The following TXNDC15 variants were observed in gnomAD, a reference collection of about 807,000 sequenced individuals.
TXNDC15 encodes thioredoxin domain containing 15.
Under a neutral mutation model 35.0 loss-of-function variants are expected in TXNDC15, and 24 were observed. The observed-to-expected ratio is 0.68, with a 90% CI of 0.50 to 0.96. The LOEUF (loss-of-function observed/expected upper bound fraction) is 0.96. TXNDC15 is among the 40% of genes least tolerant of loss of function. The pLI, the probability that TXNDC15 is intolerant of heterozygous loss-of-function variation, is 0.00. For synonymous variants in TXNDC15, 169 were observed against 174.0 expected, an observed-to-expected ratio of 0.97 and a Z score of 0.23; for missense variants, 385 against 453.3, an observed-to-expected ratio of 0.85 and a Z score of 1.37.
At chr5:134,881,933 C>T (rs1412397925) in intron 1 of TXNDC15, among the ~76,000 whole-genome samples, 2 of 150,264 alleles carry the variant, frequency 1.3e-5, no homozygotes, top group Non-Finnish European at 3.0e-5. Flanking sequence ...GGCGGCTGGC[C>T]AGGTGGGGGG....
rs533837612 is a variant in TXNDC15, at chr5:134,884,771, G to A, written c.104-2924G>A. On this transcript the variant is annotated intron_variant, in intron 1 of 4. Coordinates refer to ENST00000358387, the MANE Select transcript of TXNDC15 (RefSeq NM_024715.4). ...TCCTTGTCTGCTAATTGTGACATGG[G>A]TGCAAGTTCTGGGTCAGTGTGGCTT... Among the ~76,000 whole-genome samples, 10 of 152,214 alleles carry A rather than the reference G, an allele frequency of 6.6e-5. No individual in the cohort carries two copies. In the South Asian group the frequency reaches 2.1e-3, roughly 32 times the overall value.
At chr5:134,883,243 GAT>G (rs1419126468) in intron 1 of TXNDC15, among the ~76,000 whole-genome samples, 139 of 152,124 alleles carry the variant, frequency 9.1e-4, no homozygotes, top group Non-Finnish European at 1.6e-3. Context: ...TGGCCAACAT[GAT>G]GAAACCCCGT....
chr5:134,884,467 C>T (rs531621404), intron 1 of TXNDC15, among the ~76,000 whole-genome samples: 25 of 151,956 alleles, frequency 1.6e-4, no homozygotes, highest in African/African-American at 5.8e-4. Flanking sequence ...AGGCTGGTCT[C>T]GAACTCCCGA....
In TXNDC15 at chr5:134,888,019, G is replaced by A. The variant is rs747557179; in HGVS notation, c.428G>A (p.Arg143Lys). 4.3e-6 allele frequency: 7 copies of A among 1,614,114 alleles called. No individual in the cohort carries two copies. Among genetic ancestry groups the A allele is most frequent in the Non-Finnish European group, 5.9e-6 (7 of 1,180,050 alleles). ...GGCGCTGGAGCACACTTCCCTGACA[G>A]AGAAGAGGAGTATTACACAGAGCCA... ...LDGAGAHFPD[R>K]EEEYYTEPEV... The change falls in exon 2 of 5, where the codon AGA (arginine) becomes AAA (lysine). Residue 143 changes from arginine to lysine, a missense_variant. Arg to Lys is a conservative substitution (Grantham distance 26). Transcript: ENST00000358387.
intron 4 of TXNDC15, 139 bp downstream of exon 4, chr5:134,896,563 C>G: frequency 1.0e-6 from 1 of 1,001,418 alleles, no homozygotes; most frequent in Non-Finnish European, 1.5e-6. Flanking sequence ...TTCTAATGAA[C>G]TGTTATGATC....
intron 2 of TXNDC15, chr5:134,892,738 C>T (rs1388693394): frequency 6.6e-6 from 1 of 152,128 alleles, no homozygotes; most frequent in Non-Finnish European, 1.5e-5. Context: ...TACAACTCTT[C>T]CTTTCACTTA....
Position 134,900,791 on chromosome 5 carries a change from C to CT in TXNDC15, c.*1121dup, listed in dbSNP as rs749306675. Reference sequence around the variant, plus strand: ...AGAGACAACATGTAATTTAAACAAACTTTTTTTTTTTTTTTAGACAAAGTC... The same window carrying CT: ...AGAGACAACATGTAATTTAAACAAACTTTTTTTTTTTTTTTTAGACAAAGTC... On this transcript the variant is annotated 3_prime_UTR_variant, in exon 5 of 5. Coordinates refer to ENST00000358387, the MANE Select transcript of TXNDC15 (RefSeq NM_024715.4). The CT allele has an allele frequency of 1.9e-3, 267 of 143,406 alleles. No individual in the cohort carries two copies. The highest frequency in any genetic ancestry group is 0.018 in the Middle Eastern group (5 of 280). 8.9% of individuals were successfully genotyped at this position (143,406 alleles called of 1,614,324 possible).
At chr5:134,899,284 T>C (rs1385807010) in intron 4 of TXNDC15, among the ~76,000 whole-genome samples, 1 of 152,202 alleles carries the variant, frequency 6.6e-6, no homozygotes, top group African/African-American at 2.4e-5. Flanking sequence ...AATGGGTTCC[T>C]GATCCTTTGA....
intron 1 of TXNDC15, among the ~76,000 whole-genome samples, chr5:134,876,679 C>G (rs1049507364): frequency 6.6e-6 from 1 of 150,664 alleles, no homozygotes; most frequent in Admixed American, 6.6e-5. Flanking sequence ...GGGGTGAAGA[C>G]AGAAGAAACT....
rs1293551808 is a variant in TXNDC15 at position 134,874,495 on chromosome 5, T to C, written c.68T>C (p.Leu23Pro). Reference sequence around the variant, plus strand: ...CTCCTCGGCTGGTGGCAAGTATTGCTGTGGGTGCTGGGACTTCCCGTCCGC... The same window carrying C: ...CTCCTCGGCTGGTGGCAAGTATTGCCGTGGGTGCTGGGACTTCCCGTCCGC... ...MRLLGWWQVL[L>P]WVLGLPVRGV... is the part of the protein sequence containing the mutation. Residue 23 changes from leucine to proline, a missense_variant, in exon 1 of 5, where the codon CTG becomes CCG. Coordinates refer to ENST00000358387, the MANE Select transcript of TXNDC15 (RefSeq NM_024715.4). 8 of 1,605,376 alleles carry C rather than the reference T, an allele frequency of 5.0e-6. No homozygotes were observed. Among genetic ancestry groups the C allele is most frequent in the Non-Finnish European group, 6.8e-6 (8 of 1,177,794 alleles).
At position 134,899,816 on chromosome 5, in the gene TXNDC15, G is replaced by A; in HGVS notation, c.*131G>A. 2 of 729,434 alleles carry A rather than the reference G, an allele frequency of 2.7e-6. No individual in the cohort carries two copies. The highest frequency in any genetic ancestry group is 4.2e-6 in the Non-Finnish European group (2 of 471,406). 45.2% of individuals were successfully genotyped at this position (729,434 alleles called of 1,614,324 possible). ...AGGCAGATTAAAAGAATCATTTGTT[G>A]AACAACTGAATGTATAAAAAAATTA... is the stretch of plus-strand genomic sequence containing the variant. On this transcript the variant is annotated 3_prime_UTR_variant, in exon 5 of 5. Transcript: ENST00000358387.
intron 2 of TXNDC15, among the ~76,000 whole-genome samples, chr5:134,889,807 T>G (rs1171507611): frequency 6.6e-6 from 1 of 152,242 alleles, no homozygotes; most frequent in African/African-American, 2.4e-5. Context: ...ATATTTTGGT[T>G]TCCCAGTGCA....
intron 2 of TXNDC15, chr5:134,893,151 G>T (rs180910007): frequency 5.0e-4 from 90 of 180,988 alleles, no homozygotes; most frequent in African/African-American, 1.7e-3. Flanking sequence ...GGAGTGAAAT[G>T]CAGTAAAATG....
chr5:134,896,767 C>A (rs1489152217), intron 4 of TXNDC15, among the ~76,000 whole-genome samples: 1 of 151,382 alleles, frequency 6.6e-6, no homozygotes, highest in Non-Finnish European at 1.5e-5. Flanking sequence ...CCTCAGCCTC[C>A]CGAGTAGCTG....
intron 1 of TXNDC15, among the ~76,000 whole-genome samples, chr5:134,882,709 G>A (rs1174950058): frequency 5.9e-5 from 9 of 152,268 alleles, no homozygotes; most frequent in South Asian, 4.1e-4. Context: ...GCGTGGCGGC[G>A]CGCGCCTGCA....
At chr5:134,891,006 T>G (rs1159708032) in intron 2 of TXNDC15, among the ~76,000 whole-genome samples, 1 of 152,210 alleles carries the variant, frequency 6.6e-6, no homozygotes, top group Non-Finnish European at 1.5e-5. Flanking sequence ...TTGTAGCAAT[T>G]CAGTCCTATC....
At chr5:134,889,431 C>T (rs1003188333) in intron 2 of TXNDC15, among the ~76,000 whole-genome samples, 11 of 152,202 alleles carry the variant, frequency 7.2e-5, no homozygotes, top group African/African-American at 2.7e-4. Context: ...ACCACGTTGG[C>T]CAGGCTGGTC....
chr5:134,877,951 T>G (rs765934181), intron 1 of TXNDC15, among the ~76,000 whole-genome samples: 1 of 152,138 alleles, frequency 6.6e-6, no homozygotes, highest in Non-Finnish European at 1.5e-5. Flanking sequence ...TTTTTGGTAT[T>G]TTTAGTAGAG....
At chr5:134,881,837 C>G (rs1288996280) in intron 1 of TXNDC15, among the ~76,000 whole-genome samples, 1 of 151,216 alleles carries the variant, frequency 6.6e-6, no homozygotes, top group South Asian at 2.1e-4. Context: ...CATCTCCCTC[C>G]CGGACGGGGC....
Sources: allele counts gnomAD v4.1 joint callset (sites outside exome capture counted in the v4.1 genomes callset), GRCh38; gene constraint gnomAD v4.1.1; transcripts MANE v1.5; gene names NCBI Gene and HGNC (gene_info 2026-07-23, HGNC 2026-07-21).